The following KIF6 variants were observed in gnomAD, a reference collection of about 807,000 sequenced individuals.
KIF6 encodes the protein kinesin family member 6, also known as kinesin-like protein KIF6.
A neutral mutation model predicts 112.7 loss-of-function variants in KIF6; 106 were observed. That is an observed-to-expected ratio of 0.94 (90% CI 0.80 to 1.11). The LOEUF (loss-of-function observed/expected upper bound fraction) is 1.11. Ranked by LOEUF, KIF6 falls within the 50% of genes least tolerant of loss-of-function variation. KIF6 has a pLI of 0.00. For missense variants in KIF6, 929 were observed against 964.0 expected, an observed-to-expected ratio of 0.96 and a Z score of 0.48; for synonymous variants, 339 against 339.9, an observed-to-expected ratio of 1.00 and a Z score of 0.03.
chr6:39,565,978 T>A (rs1780253773), intron 10 of KIF6, among the ~76,000 whole-genome samples: 1 of 152,202 alleles, frequency 6.6e-6, no homozygotes, highest in African/African-American at 2.4e-5. Flanking sequence ...ATGCAGAGAA[T>A]TCCACCTGGC....
chr6:39,401,188 G>T (rs1467564599), intron 15 of KIF6, among the ~76,000 whole-genome samples: 2 of 152,268 alleles, frequency 1.3e-5, no homozygotes, highest in Non-Finnish European at 2.9e-5. Flanking sequence ...CTTCTAGGAA[G>T]TTGTTACAGT....
chr6:39,500,506 G>A (rs1776062082), intron 13 of KIF6, among the ~76,000 whole-genome samples: 1 of 152,070 alleles, frequency 6.6e-6, no homozygotes, highest in South Asian at 2.1e-4. Context: ...TGAAATTGGA[G>A]GCACATTTTA....
chr6:39,427,824 G>C (rs1350024809), intron 14 of KIF6, among the ~76,000 whole-genome samples: 2 of 152,146 alleles, frequency 1.3e-5, no homozygotes, highest in Non-Finnish European at 2.9e-5. Flanking sequence ...AGTTAAGTGA[G>C]CTCTATATTA....
At chr6:39,611,624 C>T (rs940453312) in intron 6 of KIF6, among the ~76,000 whole-genome samples, 1 of 152,226 alleles carries the variant, frequency 6.6e-6, no homozygotes, top group Non-Finnish European at 1.5e-5. Flanking sequence ...GAGGCGGCAA[C>T]AGGCTCCTCT....
chr6:39,367,052 C>T lies in KIF6; in HGVS notation c.1862-4534G>A, dbSNP rs373997398. Among the ~76,000 whole-genome samples, 8 of 152,268 alleles carry T rather than the reference C, an allele frequency of 5.3e-5. No individual in the cohort carries two copies. In the East Asian group the frequency reaches 9.7e-4, roughly 18 times the overall value. Reference sequence around the variant, plus strand: ...CAGAATGAGGGCACAGCACACTCCACGACACAAACTACCCACGTTGTCATG... The same window carrying T: ...CAGAATGAGGGCACAGCACACTCCATGACACAAACTACCCACGTTGTCATG... On this transcript the variant is annotated intron_variant, in intron 16 of 22. Coordinates refer to ENST00000287152, the MANE Select transcript of KIF6 (RefSeq NM_145027.6).
intron 14 of KIF6, among the ~76,000 whole-genome samples, chr6:39,424,624 T>C (rs983132688): frequency 1.3e-5 from 2 of 152,188 alleles, no homozygotes; most frequent in Non-Finnish European, 2.9e-5. Flanking sequence ...AGCGACTGGG[T>C]CTCAGGCTCT....
Position 39,648,320 on chromosome 6 carries a change from G to A in KIF6, c.252-8563C>T, listed in dbSNP as rs147356087. On this transcript the variant is annotated intron_variant, in intron 3 of 22. Coordinates refer to ENST00000287152, the MANE Select transcript of KIF6 (RefSeq NM_145027.6). The stretch of plus-strand genomic sequence containing the variant: ...GCCTCCCAAAGTGTTGGGATTATAG[G>A]CATGAGCCACCATGTCCAGCCAAGG... Among the ~76,000 whole-genome samples, 151 of 152,156 alleles carry A rather than the reference G, an allele frequency of 9.9e-4. No homozygotes were observed. In the East Asian group the frequency reaches 0.025, roughly 25 times the overall value.
intron 9 of KIF6, among the ~76,000 whole-genome samples, chr6:39,584,437 A>C (rs1341677818): frequency 2.1e-4 from 23 of 107,862 alleles, no homozygotes; most frequent in Middle Eastern, 4.2e-3. Context: ...AAAAAAAAAA[A>C]AAAAAAAAAA....
chr6:39,341,745 G>A (rs906037427), intron 22 of KIF6, among the ~76,000 whole-genome samples: 2 of 151,246 alleles, frequency 1.3e-5, no homozygotes, highest in African/African-American at 4.8e-5. Flanking sequence ...TCAGTAAATG[G>A]CACTGCCATT....
intron 3 of KIF6, among the ~76,000 whole-genome samples, chr6:39,692,166 T>C (rs144225941): frequency 2.7e-4 from 41 of 152,206 alleles, no homozygotes; most frequent in African/African-American, 9.6e-4. Context: ...AACAAAAACA[T>C]AGATTCTTCA....
chr6:39,546,939 C>T (rs755545445), intron 10 of KIF6, among the ~76,000 whole-genome samples: 5 of 152,096 alleles, frequency 3.3e-5, no homozygotes, highest in South Asian at 4.1e-4. Context: ...TTGTTCTTCC[C>T]GTCCCCCTAA....
intron 3 of KIF6, among the ~76,000 whole-genome samples, chr6:39,646,576 G>A (rs1469230567): frequency 6.6e-6 from 1 of 152,158 alleles, no homozygotes; most frequent in Non-Finnish European, 1.5e-5. Context: ...TAACAGTTTA[G>A]CTTTAGAAAA....
intron 14 of KIF6, among the ~76,000 whole-genome samples, chr6:39,426,828 T>G (rs1008194412): frequency 3.3e-5 from 5 of 152,150 alleles, no homozygotes; most frequent in Admixed American, 1.3e-4. Flanking sequence ...AAATCAATTC[T>G]TATACTCTGG....
At chr6:39,479,316 C>T (rs758960607) in intron 13 of KIF6, among the ~76,000 whole-genome samples, 6 of 152,076 alleles carry the variant, frequency 3.9e-5, no homozygotes, top group Non-Finnish European at 5.9e-5. Context: ...TTCTCCTACA[C>T]GTGGCTTGCC....
chr6:39,380,471 C>T (rs1359513088), intron 16 of KIF6, among the ~76,000 whole-genome samples: 5 of 152,136 alleles, frequency 3.3e-5, no homozygotes, highest in African/African-American at 1.2e-4. Flanking sequence ...AAGAAAGAAC[C>T]ATAGTCTTGA....
chr6:39,646,499 T>C (rs1314346181), intron 3 of KIF6, among the ~76,000 whole-genome samples: 1 of 152,164 alleles, frequency 6.6e-6, no homozygotes, highest in Non-Finnish European at 1.5e-5. Flanking sequence ...GCTGATTTCA[T>C]TTTTGAGAGG....
At chr6:39,550,821 A>T (rs967587017) in intron 10 of KIF6, among the ~76,000 whole-genome samples, 19 of 152,236 alleles carry the variant, frequency 1.2e-4, no homozygotes, top group African/African-American at 4.6e-4. Context: ...GTTGTCTCTG[A>T]CAGGGTTAAA....
intron 5 of KIF6, among the ~76,000 whole-genome samples, chr6:39,622,068 G>A (rs974247176): frequency 6.6e-6 from 1 of 151,824 alleles, no homozygotes; most frequent in Non-Finnish European, 1.5e-5. Flanking sequence ...TCAGGAGGCT[G>A]AGGCAGGAGA....
chr6:39,670,026 A>T (rs62403335), intron 3 of KIF6, among the ~76,000 whole-genome samples: 1 of 152,190 alleles, frequency 6.6e-6, no homozygotes, highest in Non-Finnish European at 1.5e-5. Flanking sequence ...GCTACCAGGC[A>T]TCAATTCAGA....
Sources: allele counts gnomAD v4.1 joint callset (sites outside exome capture counted in the v4.1 genomes callset), GRCh38; gene constraint gnomAD v4.1.1; transcripts MANE v1.5; gene names NCBI Gene and HGNC (gene_info 2026-07-23, HGNC 2026-07-21).